Variants in ZNF793 observed in about 807,000 individuals in gnomAD.
The protein encoded by ZNF793 is zinc finger protein 793.
ZNF793 carries 5 observed loss-of-function variants against 12.4 expected under a neutral mutation model. The observed-to-expected ratio is 0.40, with a 90% CI of 0.21 to 0.84. The LOEUF is 0.84. ZNF793 is among the 40% of genes least tolerant of loss of function. The pLI, the probability that ZNF793 is intolerant of heterozygous loss-of-function variation, is 0.35. For missense variants in ZNF793, 456 were observed against 495.0 expected (o/e 0.92, Z 0.75); for synonymous variants, 162 against 172.4 (o/e 0.94, Z 0.47).
At chr19:37,530,222 A>G (rs1029328746) in intron 5 of ZNF793, among the ~76,000 whole-genome samples, 2 of 152,082 alleles carry the variant, frequency 1.3e-5, no homozygotes, top group Non-Finnish European at 2.9e-5. Context: ...TAGATGGAAT[A>G]TACAATCGGG....
intron 5 of ZNF793, among the ~76,000 whole-genome samples, chr19:37,524,977 A>G (rs2042402069): frequency 6.6e-6 from 1 of 152,188 alleles, no homozygotes; most frequent in South Asian, 2.1e-4. Context: ...CAAAACTGCC[A>G]AGTGCTAGCT....
chr19:37,525,324 G>A (rs964391392), intron 5 of ZNF793, among the ~76,000 whole-genome samples: 4 of 151,476 alleles, frequency 2.6e-5, no homozygotes, highest in African/African-American at 9.7e-5. Flanking sequence ...AGTTTTAGTA[G>A]AGACAGGGTT....
chr19:37,532,584 G>A (rs1398449831), intron 6 of ZNF793, 102 bp downstream of exon 6: 4 of 1,352,662 alleles, frequency 3.0e-6, no homozygotes, highest in Non-Finnish European at 3.9e-6. Flanking sequence ...GCCAAGGCAG[G>A]TGGATCACCT....
rs762937449 is a variant in ZNF793, at chr19:37,532,380, G to A, written c.40G>A (p.Val14Ile). ...YQIPVSFKDV[V>I]VGFTQEEWHR... ...GATACCTGTGTCATTCAAAGATGTG[G>A]TTGTGGGCTTCACCCAAGAGGAGTG... The change falls in exon 6 of 8, where the codon GTT (valine) becomes ATT (isoleucine). Residue 14 changes from valine to isoleucine, a missense_variant. Physicochemically the swap from Val to Ile is conservative, Grantham distance 29. Transcript: ENST00000627814. The A allele has an allele frequency of 1.2e-4, 197 of 1,614,030 alleles. No homozygotes were observed. Among genetic ancestry groups the A allele is most frequent in the Non-Finnish European group, 1.6e-4 (191 of 1,180,016 alleles).
chr19:37,537,622 GA>G lies in ZNF793; in HGVS notation c.965del (p.Glu322GlyfsTer79). 2 of 1,614,114 alleles carry G rather than the reference GA, an allele frequency of 1.2e-6. No homozygotes were observed. Among genetic ancestry groups the G allele is most frequent in the Non-Finnish European group, 1.7e-6 (2 of 1,180,008 alleles). ...VCSECGKSFG[E>X]KSYLNVHRKM... ...CAGTGAATGCGGGAAATCGTTTGGTGAGAAGTCATACCTCAATGTACATCGA... is the reference window on the plus strand; with the variant it reads ...CAGTGAATGCGGGAAATCGTTTGGTGGAAGTCATACCTCAATGTACATCGA... On this transcript the variant is annotated frameshift_variant, in exon 8 of 8. Transcript: ENST00000627814. LOFTEE classifies it low-confidence loss of function (END_TRUNC).
chr19:37,526,193 G>A (rs2042414205), intron 5 of ZNF793, among the ~76,000 whole-genome samples: 1 of 152,080 alleles, frequency 6.6e-6, no homozygotes, highest in Non-Finnish European at 1.5e-5. Flanking sequence ...ACTCACTGGA[G>A]CCTTGAACTC....
At chr19:37,524,846 A>G (rs149758963) in intron 5 of ZNF793, among the ~76,000 whole-genome samples, 1 of 152,210 alleles carries the variant, frequency 6.6e-6, no homozygotes, top group East Asian at 1.9e-4. Flanking sequence ...TATGAAAAAC[A>G]TTGATAGTGA....
chr19:37,515,330 T>C (rs2042322823), intron 2 of ZNF793, among the ~76,000 whole-genome samples: 1 of 151,540 alleles, frequency 6.6e-6, no homozygotes, highest in South Asian at 2.1e-4. Flanking sequence ...TTTTTTGAGA[T>C]GGAGTCTCAC....
chr19:37,515,408 C>T (rs568759605), intron 2 of ZNF793, among the ~76,000 whole-genome samples: 6 of 151,868 alleles, frequency 4.0e-5, no homozygotes, highest in African/African-American at 1.2e-4. Context: ...CCCGGGTCCA[C>T]GCCATTCTCC....
At chr19:37,522,344 C>G (rs1270532912) in intron 3 of ZNF793, among the ~76,000 whole-genome samples, 188 bp from the exon 4 acceptor site, 1 of 151,996 alleles carries the variant, frequency 6.6e-6, no homozygotes, top group Non-Finnish European at 1.5e-5. Context: ...ATTACAGGTG[C>G]CTGCCAGCAC....
chr19:37,528,976 G>C (rs1160048744), intron 5 of ZNF793, among the ~76,000 whole-genome samples: 3 of 151,974 alleles, frequency 2.0e-5, no homozygotes, highest in African/African-American at 7.3e-5. Flanking sequence ...TGGTCCCCAG[G>C]CAGGTCCAGC....
At position 37,529,790 on chromosome 19, in the gene ZNF793, G is replaced by A. The variant is rs569277231; in HGVS notation, c.16-2566G>A. The stretch of plus-strand genomic sequence containing the variant: ...TTACAGTGGTGAGCCACCATGCCTG[G>A]CCTGGAGTGTTCAGTTTATGAAGGG... On this transcript the variant is annotated intron_variant, in intron 5 of 7. Transcript: ENST00000627814. 1.2e-4 allele frequency among the ~76,000 whole-genome samples: 18 copies of A among 152,312 alleles called. No individual in the cohort carries two copies. In the South Asian group the frequency reaches 3.5e-3, roughly 30 times the overall value.
At chr19:37,532,015 A>ATT (rs1192826542) in intron 5 of ZNF793, among the ~76,000 whole-genome samples, 2 of 143,704 alleles carry the variant, frequency 1.4e-5, no homozygotes. Flanking sequence ...CTTGCACAAA[A>ATT]TTTTTTTTTT....
At position 37,537,010 on chromosome 19, in the gene ZNF793, AAGTTTGGGAAAATATCACTTCTG is replaced by A; in HGVS notation, c.355_377del (p.Phe119HisfsTer2). The A allele has an allele frequency of 6.2e-7, 1 of 1,613,974 alleles. No homozygotes were observed. Among genetic ancestry groups the A allele is most frequent in the East Asian group, 2.2e-5 (1 of 44,882 alleles). On this transcript the variant is annotated frameshift_variant, in exon 8 of 8. Transcript: ENST00000627814. LOFTEE classifies it low-confidence loss of function (END_TRUNC). ...CAAGGAGAAAAGCTGTGAATATAAT[AAGTTTGGGAAAATATCACTTCTG>A]AGCACTGATCTTTTTTCTTCAATCC...
At chr19:37,519,194 AG>A (rs2042356839) in intron 2 of ZNF793, among the ~76,000 whole-genome samples, 1 of 152,164 alleles carries the variant, frequency 6.6e-6, no homozygotes, top group African/African-American at 2.4e-5. Context: ...TGAACCCAGG[AG>A]GCAGAGCTTG....
At chr19:37,511,079 A>T (rs1000079874) in intron 2 of ZNF793, among the ~76,000 whole-genome samples, 1 of 152,188 alleles carries the variant, frequency 6.6e-6, no homozygotes, top group African/African-American at 2.4e-5. Context: ...ATGAATTTTT[A>T]TATTACAGAG....
rs1024525491 is a variant in ZNF793, at chr19:37,539,510, G to A, written c.*1631G>A. Reference sequence around the variant, plus strand: ...TATTTCAATGTTTGGAAAGAAGTCTGCTTCCCTGAGTTGCTATGTCATCCA... The same window carrying A: ...TATTTCAATGTTTGGAAAGAAGTCTACTTCCCTGAGTTGCTATGTCATCCA... On this transcript the variant is annotated 3_prime_UTR_variant, in exon 8 of 8. Transcript: ENST00000627814. The A allele has an allele frequency of 1.3e-5, 2 of 152,142 alleles. No individual in the cohort carries two copies. The highest frequency in any genetic ancestry group is 4.8e-5 in the African/African-American group (2 of 41,436). 9.4% of individuals were successfully genotyped at this position (152,142 alleles called of 1,614,324 possible).
At chr19:37,532,603 G>C (rs2042470754) in intron 6 of ZNF793, 121 bp downstream of exon 6, 1 of 1,148,360 alleles carries the variant, frequency 8.7e-7, no homozygotes. Context: ...CTGAGGTCAG[G>C]AGTTTGAAAC....
intron 5 of ZNF793, among the ~76,000 whole-genome samples, chr19:37,524,150 C>G (rs1463912210): frequency 2.1e-5 from 2 of 94,714 alleles, no homozygotes; most frequent in Non-Finnish European, 4.1e-5. Flanking sequence ...AACTCCATCT[C>G]AAAATAATAA....
Sources: gnomAD v4.1 joint callset for allele counts (sites outside exome capture counted in the v4.1 genomes callset) on GRCh38, gnomAD v4.1.1 for gene constraint, MANE v1.5 for transcripts, NCBI Gene and HGNC (gene_info 2026-07-23, HGNC 2026-07-21) for gene names.